Variants in PPM1L observed in about 807,000 individuals in gnomAD.
PPM1L encodes the protein protein phosphatase, Mg2+/Mn2+ dependent 1L.
Under a neutral mutation model 31.4 loss-of-function variants are expected in PPM1L, and 13 were observed. The observed-to-expected ratio is 0.41, with a 90% confidence interval of 0.27 to 0.66. The LOEUF is 0.66. Among genes scored for constraint, PPM1L ranks in the 30% least tolerant of loss-of-function variants. The pLI is 0.29. For missense variants in PPM1L, 326 were observed against 453.7 expected (o/e 0.72, Z 2.56); for synonymous variants, 184 against 175.4 (o/e 1.05, Z -0.39).
chr3:160,990,846 T>C (rs1312621876), intron 2 of PPM1L, among the ~76,000 whole-genome samples: 1 of 152,154 alleles, frequency 6.6e-6, no homozygotes, highest in East Asian at 1.9e-4. Context: ...TGTAGGACTG[T>C]CTATTACATT....
chr3:161,011,826 G>T (rs1274257320), intron 2 of PPM1L, among the ~76,000 whole-genome samples: 2 of 152,026 alleles, frequency 1.3e-5, no homozygotes, highest in African/African-American at 4.8e-5. Flanking sequence ...TTTGTCTGTT[G>T]TTGGTGTATA....
At chr3:160,872,376 C>G (rs529148729) in intron 1 of PPM1L, among the ~76,000 whole-genome samples, 28 of 152,236 alleles carry the variant, frequency 1.8e-4, no homozygotes, top group Admixed American at 7.8e-4. Flanking sequence ...CCCTTTAAAA[C>G]TTTGACAATA....
intron 2 of PPM1L, 104 bp downstream of exon 2, chr3:160,962,014 T>C: frequency 1.3e-6 from 1 of 766,836 alleles, no homozygotes; most frequent in Non-Finnish European, 2.0e-6. Context: ...AGATTCAAAG[T>C]TATGTAACAT....
chr3:160,970,447 ATTT>A (rs1242719344), intron 2 of PPM1L, among the ~76,000 whole-genome samples: 1 of 21,382 alleles, frequency 4.7e-5, no homozygotes. Flanking sequence ...CAAGCTGAAT[ATTT>A]TTTTTTTTTT....
At chr3:160,883,624 G>C (rs1420532019) in intron 1 of PPM1L, among the ~76,000 whole-genome samples, 1 of 152,046 alleles carries the variant, frequency 6.6e-6, no homozygotes, top group Admixed American at 6.6e-5. Flanking sequence ...CCTACCTCCA[G>C]TAGGAGATGA....
chr3:160,991,621 A>T (rs1240957538), intron 2 of PPM1L, among the ~76,000 whole-genome samples: 1 of 152,186 alleles, frequency 6.6e-6, no homozygotes, highest in Non-Finnish European at 1.5e-5. Context: ...TAAGTCTATT[A>T]CAGTCTCCCA....
At chr3:160,975,398 A>C (rs565637432) in intron 2 of PPM1L, among the ~76,000 whole-genome samples, 1 of 152,216 alleles carries the variant, frequency 6.6e-6, no homozygotes, top group South Asian at 2.1e-4. Context: ...AGTTTTTTCC[A>C]ATTCTGTGAA....
intron 1 of PPM1L, among the ~76,000 whole-genome samples, chr3:160,933,542 C>T (rs573812107): frequency 6.6e-6 from 1 of 152,178 alleles, no homozygotes; most frequent in South Asian, 2.1e-4. Context: ...TCCCCCACCT[C>T]CCTCTCTTCC....
At chr3:160,890,873 GA>G (rs1239023448) in intron 1 of PPM1L, among the ~76,000 whole-genome samples, 1 of 152,146 alleles carries the variant, frequency 6.6e-6, no homozygotes, top group African/African-American at 2.4e-5. Context: ...AAGCAATGGG[GA>G]AAGGATCTCC....
At chr3:160,927,918 A>G (rs1325145816) in intron 1 of PPM1L, among the ~76,000 whole-genome samples, 1 of 152,170 alleles carries the variant, frequency 6.6e-6, no homozygotes, top group African/African-American at 2.4e-5. Flanking sequence ...GTATTGAATG[A>G]ATTAATTAAA....
chr3:160,970,751 C>G (rs2108115952), intron 2 of PPM1L, among the ~76,000 whole-genome samples: 1 of 150,842 alleles, frequency 6.6e-6, no homozygotes, highest in African/African-American at 2.4e-5. Flanking sequence ...TGCTATTGCA[C>G]CTGGCCTAAC....
intron 1 of PPM1L, among the ~76,000 whole-genome samples, chr3:160,833,866 G>A (rs1713609054): frequency 6.6e-6 from 1 of 151,748 alleles, no homozygotes; most frequent in African/African-American, 2.4e-5. Context: ...TGTCCTGAAT[G>A]GTATTGCCCA....
intron 2 of PPM1L, among the ~76,000 whole-genome samples, chr3:161,019,288 G>A (rs2108070498): frequency 7.0e-6 from 1 of 143,472 alleles, no homozygotes; most frequent in Middle Eastern, 3.4e-3. Context: ...CAAACTCCTG[G>A]GTTCAAGTGA....
intron 1 of PPM1L, among the ~76,000 whole-genome samples, chr3:160,897,477 A>T (rs746154014): frequency 6.6e-6 from 1 of 152,194 alleles, no homozygotes; most frequent in Non-Finnish European, 1.5e-5. Context: ...AGTGGTTCAC[A>T]TTAGTTCGTC....
At chr3:160,978,610 G>C in intron 2 of PPM1L, among the ~76,000 whole-genome samples, 1 of 152,158 alleles carries the variant, frequency 6.6e-6, no homozygotes, top group East Asian at 1.9e-4. Context: ...TGGGAGAATT[G>C]CTTGAGCCCA....
intron 1 of PPM1L, among the ~76,000 whole-genome samples, chr3:160,920,500 C>T (rs564048392): frequency 3.3e-5 from 5 of 152,046 alleles, no homozygotes; most frequent in South Asian, 2.1e-4. Flanking sequence ...TTTAGGAGTG[C>T]GGTGTATGGT....
At chr3:160,847,917 A>G (rs1315620473) in intron 1 of PPM1L, among the ~76,000 whole-genome samples, 3 of 152,062 alleles carry the variant, frequency 2.0e-5, no homozygotes, top group East Asian at 1.9e-4. Flanking sequence ...ACAAGTTGCT[A>G]TGTTCCCTAG....
chr3:160,861,295 A>G (rs574545580), intron 1 of PPM1L, among the ~76,000 whole-genome samples: 2 of 152,336 alleles, frequency 1.3e-5, no homozygotes, highest in Non-Finnish European at 1.5e-5. Context: ...GTAATGTCCT[A>G]CTGTTGCCTA....
chr3:160,967,977 A>G (rs1030230067), intron 2 of PPM1L, among the ~76,000 whole-genome samples: 8 of 152,160 alleles, frequency 5.3e-5, no homozygotes, highest in Admixed American at 3.3e-4. Flanking sequence ...TCCTGTAGCT[A>G]TGGCTTTTCT....
Sources: allele counts gnomAD v4.1 joint callset (sites outside exome capture counted in the v4.1 genomes callset), GRCh38; gene constraint gnomAD v4.1.1; transcripts MANE v1.5; gene names NCBI Gene and HGNC (gene_info 2026-07-23, HGNC 2026-07-21).